The following FPGT variants were observed in gnomAD, a reference collection of about 807,000 sequenced individuals.
FPGT encodes the protein GDP-L-fucose diphosphorylase.
Under a neutral mutation model 45.8 loss-of-function variants are expected in FPGT, and 41 were observed. The ratio of observed to expected loss-of-function variants is 0.90; its 90% CI spans 0.70 to 1.16. FPGT has a LOEUF of 1.16. FPGT is among the 50% of genes most tolerant of loss of function. The pLI, the probability that FPGT is intolerant of heterozygous loss-of-function variation, is 0.00. For missense variants in FPGT, 755 were observed against 689.1 expected (o/e 1.10, Z -1.07); for synonymous variants, 292 against 247.2 (o/e 1.18, Z -1.70).
rs1205511984 is a variant in FPGT, at chr1:74,205,367, C to A, written c.1320C>A (p.Tyr440Ter). 1.2e-6 allele frequency: 2 copies of A among 1,614,072 alleles called. No individual in the cohort carries two copies. The highest frequency in any genetic ancestry group is 2.2e-5 in the South Asian group (2 of 91,082). ...AAAACTGCATTATTAGTGGTTCTTA[C>A]ATCCTAACAAAAGCTGCCCTCCCCG... The part of the protein sequence containing the change: ...VGENCIISGS[Y>*]ILTKAALPAH... Residue 440 changes from tyrosine to a stop codon, truncating the protein, a stop_gained, in exon 4 of 4, where the codon TAC becomes TAA. Transcript: ENST00000370898. LOFTEE classifies it high-confidence loss of function.
intron 1 of FPGT, among the ~76,000 whole-genome samples, chr1:74,198,850 G>C (rs1398344384): frequency 6.6e-6 from 1 of 152,060 alleles, no homozygotes; most frequent in African/African-American, 2.4e-5. Context: ...TCAAAAAATT[G>C]GCTATGACAC....
chr1:74,199,801 G>A lies in FPGT; in HGVS notation c.220G>A (p.Val74Ile). ...KELPLGVQYH[V>I]FVDPAGAKIG... ...GTTACCCCTTGGAGTTCAATATCAC[G>A]TTTTTGTGGATCCTGCTGGAGCCAA... is the stretch of plus-strand genomic sequence containing the variant. Residue 74 changes from valine to isoleucine, a missense_variant, in exon 2 of 4, where the codon GTT (valine) becomes ATT (isoleucine). By Grantham distance (29) the Val-to-Ile change is conservative. Coordinates refer to ENST00000370898, the MANE Select transcript of FPGT (RefSeq NM_003838.5). The A allele has an allele frequency of 6.2e-7, 1 of 1,614,014 alleles. No homozygotes were observed. Among genetic ancestry groups the A allele is most frequent in the Non-Finnish European group, 8.5e-7 (1 of 1,179,976 alleles).
chr1:74,198,435 G>C, intron 1 of FPGT, 75 bp downstream of exon 1: 1 of 1,576,714 alleles, frequency 6.3e-7, no homozygotes, highest in East Asian at 2.3e-5. Context: ...AGGTTTGCTG[G>C]ACTGTCACTT....
intron 3 of FPGT, among the ~76,000 whole-genome samples, chr1:74,203,092 A>G (rs905512457): frequency 6.6e-6 from 1 of 152,212 alleles, no homozygotes; most frequent in Non-Finnish European, 1.5e-5. Flanking sequence ...ATAAACCAGT[A>G]AAATAGTCAT....
rs1319148197 is a variant in FPGT, at chr1:74,205,760, A to G, written c.1713A>G (p.Lys571=). 8.2e-6 allele frequency: 13 copies of G among 1,584,116 alleles called. No homozygotes were observed. Among genetic ancestry groups the G allele is most frequent in the African/African-American group, 4.0e-5 (3 of 74,454 alleles). The change falls in exon 4 of 4, where the codon AAA becomes AAG. Residue 571 remains lysine, a synonymous_variant. Coordinates refer to ENST00000370898, the MANE Select transcript of FPGT (RefSeq NM_003838.5). Reference sequence around the variant, plus strand: ...CCATTGAAGAAATGCTTATCTACAAAGATGTAGAAGATATGATAACTTACA... The same window carrying G: ...CCATTGAAGAAATGCTTATCTACAAGGATGTAGAAGATATGATAACTTACA... ...LLSIEEMLIY[K]DVEDMITYRE... is the part of the protein sequence containing the mutation.
chr1:74,206,408 A>G lies in FPGT; in HGVS notation c.*576A>G, dbSNP rs754896975. On this transcript the variant is annotated 3_prime_UTR_variant, in exon 4 of 4. Transcript: ENST00000370898. ...TGATGATAAAATTTGTATCTCATTA[A>G]TTTTATCAAAATGAAACTAAAAGTA... is the stretch of plus-strand genomic sequence containing the variant. The G allele has an allele frequency of 6.6e-6, 1 of 152,148 alleles. No individual in the cohort carries two copies. The highest frequency in any genetic ancestry group is 1.5e-5 in the Non-Finnish European group (1 of 67,982). The allele number at this position is 152,148 out of a possible 1,614,324, so 9.4% of individuals were successfully genotyped here.
At position 74,205,098 on chromosome 1, in the gene FPGT, C is replaced by T. The variant is rs1408697040; in HGVS notation, c.1051C>T (p.Leu351Phe). 6.2e-7 allele frequency: 1 copy of T among 1,613,422 alleles called. No homozygotes were observed. The highest frequency in any genetic ancestry group is 8.5e-7 in the Non-Finnish European group (1 of 1,179,596). Residue 351 changes from leucine (L) to phenylalanine (F), a missense_variant, in exon 4 of 4, where the codon CTT (leucine) becomes TTT (phenylalanine). Leu to Phe is a conservative substitution (Grantham distance 22). Coordinates refer to ENST00000370898, the MANE Select transcript of FPGT (RefSeq NM_003838.5). ...AGGAACATCACTAAATGTTGTTGTTCTTAATAACTCCAAATTTTATCACAT... is the reference window on the plus strand; with the variant it reads ...AGGAACATCACTAAATGTTGTTGTTTTTAATAACTCCAAATTTTATCACAT... ...LKGTSLNVVV[L>F]NNSKFYHIGT... is the part of the protein sequence containing the mutation.
rs1474567374 is a variant in FPGT at position 74,204,614 on chromosome 1, T to A, written c.567T>A (p.Thr189=). The A allele has an allele frequency of 6.2e-7, 1 of 1,613,858 alleles. No homozygotes were observed. The stretch of plus-strand genomic sequence containing the variant: ...TTAGGTTTGACAAACCTGGCTTTAC[T>A]GCTTTAGCTCATCCTTCTAGTTTGA... ...EFIRFDKPGF[T]ALAHPSSLTI... Residue 189 remains threonine, a synonymous_variant, in exon 4 of 4, where the codon ACT becomes ACA. Coordinates refer to ENST00000370898, the MANE Select transcript of FPGT (RefSeq NM_003838.5).
chr1:74,203,413 G>A (rs562805858), intron 3 of FPGT, among the ~76,000 whole-genome samples: 2 of 151,000 alleles, frequency 1.3e-5, no homozygotes, highest in East Asian at 3.9e-4. Context: ...TTTTGAGATG[G>A]AGTCTGGCTC....
In FPGT at chr1:74,205,116, T is replaced by C; in HGVS notation, c.1069T>C (p.Tyr357His). 1 of 1,613,696 alleles carries C rather than the reference T, an allele frequency of 6.2e-7. No homozygotes were observed. Among genetic ancestry groups the C allele is most frequent in the South Asian group, 1.1e-5 (1 of 91,062 alleles). ...NVVVLNNSKF[Y>H]HIGTTEEYLF... Reference sequence around the variant, plus strand: ...TGTTGTTCTTAATAACTCCAAATTTTATCACATTGGAACAACCGAAGAATA... The same window carrying C: ...TGTTGTTCTTAATAACTCCAAATTTCATCACATTGGAACAACCGAAGAATA... Residue 357 changes from tyrosine to histidine, a missense_variant, in exon 4 of 4, where the codon TAT (tyrosine) becomes CAT (histidine). By Grantham distance (83) the Tyr-to-His change is moderately conservative (BLOSUM62 2). Coordinates refer to ENST00000370898, the MANE Select transcript of FPGT (RefSeq NM_003838.5).
In FPGT at chr1:74,205,089, G is replaced by A. The variant is rs373692012; in HGVS notation, c.1042G>A (p.Val348Ile). 1.2e-5 allele frequency: 19 copies of A among 1,613,274 alleles called. No individual in the cohort carries two copies. The Admixed American group carries it at 1.3e-4, about 11-fold the overall frequency. Residue 348 changes from valine to isoleucine, a missense_variant, in exon 4 of 4, where the codon GTT becomes ATT. Val to Ile is a conservative substitution (Grantham distance 29). Transcript: ENST00000370898. The part of the protein sequence containing the change: ...FHLLKGTSLN[V>I]VVLNNSKFYH... The stretch of plus-strand genomic sequence containing the variant: ...TCTTCTTAAAGGAACATCACTAAAT[G>A]TTGTTGTTCTTAATAACTCCAAATT...
chr1:74,200,459 T>C (rs533035604), intron 2 of FPGT, among the ~76,000 whole-genome samples: 10 of 152,206 alleles, frequency 6.6e-5, no homozygotes, highest in African/African-American at 2.4e-4. Context: ...AACATTATTT[T>C]AATCCTTACA....
Position 74,198,305 on chromosome 1 carries a change from A to G in FPGT, c.27A>G (p.Glu9=), listed in dbSNP as rs748393876. The G allele has an allele frequency of 3.1e-6, 5 of 1,614,170 alleles. No individual in the cohort carries two copies. The South Asian group carries it at 5.5e-5, about 18-fold the overall frequency. MAAARDPP[E]VSLREATQRK... Reference sequence around the variant, plus strand: ...TGGCAGCTGCTAGGGACCCTCCGGAAGTATCGCTGCGAGAAGCCACCCAGC... The same window carrying G: ...TGGCAGCTGCTAGGGACCCTCCGGAGGTATCGCTGCGAGAAGCCACCCAGC... The change falls in exon 1 of 4, where the codon GAA becomes GAG. Residue 9 remains glutamate (E), a synonymous_variant. Coordinates refer to ENST00000370898, the MANE Select transcript of FPGT (RefSeq NM_003838.5).
At position 74,205,132 on chromosome 1, in the gene FPGT, C is replaced by G. The variant is rs760752127; in HGVS notation, c.1085C>G (p.Thr362Ser). 1.9e-5 allele frequency: 31 copies of G among 1,613,408 alleles called. No individual in the cohort carries two copies. The Middle Eastern group carries it at 8.2e-4, about 43-fold the overall frequency. ...TCCAAATTTTATCACATTGGAACAA[C>G]CGAAGAATATTTGTTTTACTTTACC... is the stretch of plus-strand genomic sequence containing the variant. ...NNSKFYHIGT[T>S]EEYLFYFTSD... is the part of the protein sequence containing the mutation. Residue 362 changes from threonine (T) to serine (S), a missense_variant, in exon 4 of 4, where the codon ACC becomes AGC. Thr to Ser is a moderately conservative substitution (Grantham distance 58). Transcript: ENST00000370898.
intron 3 of FPGT, 63 bp from the exon 4 acceptor site, chr1:74,204,328 G>C: frequency 2.4e-6 from 3 of 1,229,474 alleles, no homozygotes; most frequent in Non-Finnish European, 3.3e-6. Context: ...AAAACCCTGG[G>C]GTTTTGAAAA....
rs758939335 is a variant in FPGT at position 74,204,376 on chromosome 1, G to A, written c.344-15G>A. On this transcript the variant is annotated splice_polypyrimidine_tract_variant and intron_variant, in intron 3 of 3. Coordinates refer to ENST00000370898, the MANE Select transcript of FPGT (RefSeq NM_003838.5). ...TACTGCATTTTTAAATGGTTATTTC[G>A]TTTTAATTTTATAGGTGGCTACAGT... is the stretch of plus-strand genomic sequence containing the variant. 7.3e-6 allele frequency: 11 copies of A among 1,516,050 alleles called. No homozygotes were observed. Among genetic ancestry groups the A allele is most frequent in the Middle Eastern group, 3.5e-4 (2 of 5,636 alleles). 93.9% of individuals were successfully genotyped at this position (1,516,050 alleles called of 1,614,324 possible). A position where few individuals can be genotyped will look rare whatever the true frequency, so the allele number is the denominator to read the frequency against.
rs765972262 is a variant in FPGT at position 74,198,361 on chromosome 1, G to A, written c.82+1G>A. 6 of 1,614,162 alleles carry A rather than the reference G, an allele frequency of 3.7e-6. No homozygotes were observed. The highest frequency in any genetic ancestry group is 1.3e-5 in the African/African-American group (1 of 75,038). ...TTGCGGAGGTTTTCCGAGCTAAGAG[G>A]TACCAGAGAAGGCACCGGAGTTCTC... On this transcript the variant is annotated splice_donor_variant, in intron 1 of 3. Coordinates refer to ENST00000370898, the MANE Select transcript of FPGT (RefSeq NM_003838.5). LOFTEE classifies it high-confidence loss of function.
At chr1:74,198,498 A>G in intron 1 of FPGT, 138 bp downstream of exon 1, 2 of 1,223,098 alleles carry the variant, frequency 1.6e-6, no homozygotes, top group Non-Finnish European at 2.3e-6. Flanking sequence ...GTAGCTAGCT[A>G]ATAATCCTTT....
chr1:74,198,502 A>C (rs1651436206), intron 1 of FPGT, 142 bp downstream of exon 1: 2 of 1,186,130 alleles, frequency 1.7e-6, no homozygotes, highest in East Asian at 2.6e-5. Flanking sequence ...CTAGCTAATA[A>C]TCCTTTTGAG....
Sources: gnomAD v4.1 joint callset for allele counts (sites outside exome capture counted in the v4.1 genomes callset) on GRCh38, gnomAD v4.1.1 for gene constraint, MANE v1.5 for transcripts, NCBI Gene and HGNC (gene_info 2026-07-23, HGNC 2026-07-21) for gene names.